TCHH: variants seen among roughly 807,000 people sequenced by gnomAD.
TCHH encodes trichohyalin.
In TCHH, 6 loss-of-function variants were observed where a neutral mutation model predicts 6.3. The ratio of observed to expected loss-of-function variants is 0.95; its 90% CI spans 0.52 to 1.88. TCHH has a LOEUF of 1.88. Among genes scored for constraint, TCHH ranks in the 40% most tolerant of loss-of-function variants. The pLI, the probability that TCHH is intolerant of heterozygous loss-of-function variation, is 0.01. For synonymous variants in TCHH, 1,087 were observed against 963.6 expected, an observed-to-expected ratio of 1.13 and a Z score of -2.37; for missense variants, 2,920 against 2,449.1, an observed-to-expected ratio of 1.19 and a Z score of -4.06.
In TCHH at chr1:152,111,557, C is replaced by A; in HGVS notation, c.1660G>T (p.Glu554Ter). The A allele has an allele frequency of 6.3e-7, 1 of 1,597,322 alleles. No homozygotes were observed. The highest frequency in any genetic ancestry group is 8.6e-7 in the Non-Finnish European group (1 of 1,168,826). Residue 554 changes from glutamate (E) to a stop codon, truncating the protein, a stop_gained, in exon 3 of 3, where the codon GAG becomes TAG. Coordinates refer to ENST00000614923, the MANE Select transcript of TCHH (RefSeq NM_007113.4). LOFTEE classifies it low-confidence loss of function (END_TRUNC). The part of the protein sequence containing the change: ...ERREQLLKRE[E>*]EKRLEQERRE... Reference sequence around the variant, plus strand: ...CTCTCCTGCTCGAGCCTCTTCTCCTCCTCGCGCTTCAGCAGCTGCTCGCGC... The same window carrying A: ...CTCTCCTGCTCGAGCCTCTTCTCCTACTCGCGCTTCAGCAGCTGCTCGCGC...
rs747396799 is a variant in TCHH at position 152,113,125 on chromosome 1, G to A, written c.139-47C>T. ...AAATTTTACAATGCACTATTTACAG[G>A]TGGTAAAATTATATTCACACATGAT... On this transcript the variant is annotated intron_variant, in intron 2 of 2. Coordinates refer to ENST00000614923, the MANE Select transcript of TCHH (RefSeq NM_007113.4). The A allele has an allele frequency of 1.7e-5, 25 of 1,492,274 alleles. No individual in the cohort carries two copies. In the East Asian group the frequency reaches 3.4e-4, roughly 20 times the overall value. The allele number at this position is 1,492,274 out of a possible 1,614,324, so 92.4% of individuals were successfully genotyped here.
Position 152,107,762 on chromosome 1 carries a change from C to T in TCHH, c.5455G>A (p.Gly1819Arg), listed in dbSNP as rs760018205. ...EQQLRPQQRD[G>R]KYRWEEEQLQ... ...TGCTCTTCTTCCCAGCGATACTTTC[C>T]GTCACGCTGTTGGGGGCGCAGCTGC... Residue 1819 changes from glycine to arginine, a missense_variant, in exon 3 of 3, where the codon GGA becomes AGA. By Grantham distance (125) the Gly-to-Arg change is moderately radical. Transcript: ENST00000614923. 28 of 1,614,088 alleles carry T rather than the reference C, an allele frequency of 1.7e-5. No homozygotes were observed. In the African/African-American group the frequency reaches 2.5e-4, roughly 15 times the overall value.
intron 1 of TCHH, 149 bp downstream of exon 1, chr1:152,115,242 A>C (rs1658480724): frequency 6.6e-6 from 1 of 152,208 alleles, no homozygotes. Flanking sequence ...CCATAAGAAG[A>C]TGGGATAGAG....
rs771945514 is a variant in TCHH, at chr1:152,111,765, C to T, written c.1452G>A (p.Arg484=). The part of the protein sequence containing the change: ...QQLKRDQEEE[R]RERWLKLEEE... ...CCTCGAGCTTCAGCCAACGTTCGCG[C>T]CTCTCCTCCTCCTGGTCGCGCTTCA... The change falls in exon 3 of 3, where the codon AGG becomes AGA. Residue 484 remains arginine, a synonymous_variant. Transcript: ENST00000614923. 1 of 1,590,330 alleles carries T rather than the reference C, an allele frequency of 6.3e-7. No homozygotes were observed. Among genetic ancestry groups the T allele is most frequent in the South Asian group, 1.1e-5 (1 of 89,290 alleles).
chr1:152,109,558 C>G lies in TCHH; in HGVS notation c.3659G>C (p.Arg1220Pro). The G allele has an allele frequency of 6.2e-7, 1 of 1,614,232 alleles. No individual in the cohort carries two copies. Among genetic ancestry groups the G allele is most frequent in the Non-Finnish European group, 8.5e-7 (1 of 1,180,044 alleles). The change falls in exon 3 of 3, where the codon CGC becomes CCC. Residue 1220 changes from arginine to proline, a missense_variant. Arg to Pro is a moderately radical substitution (Grantham distance 103, BLOSUM62 -2). Coordinates refer to ENST00000614923, the MANE Select transcript of TCHH (RefSeq NM_007113.4). ...TTCCCACTGCCATTTCAGATCACTG[C>G]GCTGATCCTCATCCCGGTATCGCTG... Reference protein sequence around the residue: ...RKQRYRDEDQRSDLKWQWEPE... With the variant: ...RKQRYRDEDQPSDLKWQWEPE...
At position 152,112,512 on chromosome 1, in the gene TCHH, G is replaced by C. The variant is rs765655483; in HGVS notation, c.705C>G (p.Asp235Glu). ...EKQQQRRERQ[D>E]RVFQEEEEKE... is the part of the protein sequence containing the mutation. ...TCTCTTCTTCCTCCTGGAACACTCTGTCTTGCCGCTCTCGCCTTTGCTGCT... is the reference window on the plus strand; with the variant it reads ...TCTCTTCTTCCTCCTGGAACACTCTCTCTTGCCGCTCTCGCCTTTGCTGCT... The change falls in exon 3 of 3, where the codon GAC (aspartate) becomes GAG (glutamate). Residue 235 changes from aspartate to glutamate, a missense_variant. By Grantham distance (45) the Asp-to-Glu change is conservative (BLOSUM62 2). Transcript: ENST00000614923. 2.4e-5 allele frequency: 38 copies of C among 1,613,272 alleles called. No homozygotes were observed. The South Asian group carries it at 4.0e-4, about 17-fold the overall frequency.
At position 152,112,241 on chromosome 1, in the gene TCHH, C is replaced by G. The variant is rs557415496; in HGVS notation, c.976G>C (p.Glu326Gln). ...EQQEERREQQERREQQEERRE... is the reference protein window; with the variant it reads ...EQQEERREQQQRREQQEERRE... ...CTCTCCTCCTGCTGCTCGCGCCTCTCCTGCTGCTCGCGCCTCTCCTCCTGC... is the reference window on the plus strand; with the variant it reads ...CTCTCCTCCTGCTGCTCGCGCCTCTGCTGCTGCTCGCGCCTCTCCTCCTGC... Residue 326 changes from glutamate (E) to glutamine (Q), a missense_variant, in exon 3 of 3, where the codon GAG becomes CAG. Transcript: ENST00000614923. 8.0e-6 allele frequency: 11 copies of G among 1,376,298 alleles called. No individual in the cohort carries two copies. The highest frequency in any genetic ancestry group is 7.6e-5 in the East Asian group (2 of 26,184). 85.3% of individuals were successfully genotyped at this position (1,376,298 alleles called of 1,614,324 possible).
At position 152,108,591 on chromosome 1, in the gene TCHH, G is replaced by A; in HGVS notation, c.4626C>T (p.Arg1542=). ...GACGCCGCTGTTGCCCGCGCTCCTG[G>A]CGGCGCAGCTGCTGTTCCTCCTGGA... ...KFLQEEQQLR[R]QERGQQRRQD... is the part of the protein sequence containing the mutation. Residue 1542 remains arginine (R), a synonymous_variant, in exon 3 of 3, where the codon CGC becomes CGT. Transcript: ENST00000614923. The A allele has an allele frequency of 6.2e-7, 1 of 1,601,152 alleles. No homozygotes were observed. Among genetic ancestry groups the A allele is most frequent in the Non-Finnish European group, 8.5e-7 (1 of 1,174,752 alleles).
Position 152,108,085 on chromosome 1 carries a change from T to C in TCHH, c.5132A>G (p.Gln1711Arg), listed in dbSNP as rs1201725448. The change falls in exon 3 of 3, where the codon CAG becomes CGG. Residue 1711 changes from glutamine (Q) to arginine (R), a missense_variant. Physicochemically the swap from Gln to Arg is conservative, Grantham distance 43 (BLOSUM62 1). Coordinates refer to ENST00000614923, the MANE Select transcript of TCHH (RefSeq NM_007113.4). ...CTGGCGGCGCAGCTGCTGTTCCTCC[T>C]GGAGGAATTTTCTCTCTCGTTCCTG... ...RRQERERKFL[Q>R]EEQQLRRQEL... 3 of 1,612,904 alleles carry C rather than the reference T, an allele frequency of 1.9e-6. No individual in the cohort carries two copies. Among genetic ancestry groups the C allele is most frequent in the Non-Finnish European group, 2.5e-6 (3 of 1,179,584 alleles).
rs778659935 is a variant in TCHH, at chr1:152,111,087, G to C, written c.2130C>G (p.Ser710Arg). Residue 710 changes from serine to arginine, a missense_variant, in exon 3 of 3, where the codon AGC becomes AGG. By Grantham distance (110) the Ser-to-Arg change is moderately radical (BLOSUM62 -1). Coordinates refer to ENST00000614923, the MANE Select transcript of TCHH (RefSeq NM_007113.4). ...CTTTGCTTTGCCGTGCGTCGGCCTC[G>C]CTTTCTAGCTGCCACTGCCACTTCG... ...RIPKWQWQLE[S>R]EADARQSKVY... 1.1e-5 allele frequency: 18 copies of C among 1,613,498 alleles called. No individual in the cohort carries two copies. The highest frequency in any genetic ancestry group is 1.5e-5 in the Non-Finnish European group (18 of 1,180,014).
At position 152,109,800 on chromosome 1, in the gene TCHH, T is replaced by G. The variant is rs1658259988; in HGVS notation, c.3417A>C (p.Gln1139His). The change falls in exon 3 of 3, where the codon CAA (glutamine) becomes CAC (histidine). Residue 1139 changes from glutamine (Q) to histidine (H), a missense_variant. Gln to His is a conservative substitution (Grantham distance 24). Coordinates refer to ENST00000614923, the MANE Select transcript of TCHH (RefSeq NM_007113.4). ...GCTGCACCTCCTCTTCCTCCCGATA[T>G]TGCCTCTCCAGCTCCTGGCGCCTTC... ...EKRRRQELER[Q>H]YREEEEVQQE... is the part of the protein sequence containing the mutation. The G allele has an allele frequency of 6.3e-7, 1 of 1,588,134 alleles. No homozygotes were observed. Among genetic ancestry groups the G allele is most frequent in the Admixed American group, 1.7e-5 (1 of 58,500 alleles).
rs779535015 is a variant in TCHH, at chr1:152,107,336, T to C, written c.*49A>G. 3.7e-5 allele frequency: 55 copies of C among 1,494,472 alleles called. No individual in the cohort carries two copies. The highest frequency in any genetic ancestry group is 4.8e-5 in the Non-Finnish European group (54 of 1,117,620). 92.6% of individuals were successfully genotyped at this position (1,494,472 alleles called of 1,614,324 possible). On this transcript the variant is annotated 3_prime_UTR_variant, in exon 3 of 3. Transcript: ENST00000614923. ...TCACTTGGTACCCAGTGTTTCTCAT[T>C]TTCCCGTGCTCGAAGCTTTGGCAGG...
Position 152,107,309 on chromosome 1 carries a change from T to G in TCHH, c.*76A>C, listed in dbSNP as rs1658130641. On this transcript the variant is annotated 3_prime_UTR_variant, in exon 3 of 3. Coordinates refer to ENST00000614923, the MANE Select transcript of TCHH (RefSeq NM_007113.4). ...TTCCCACAACCAGAAACATCTGAGT[T>G]ATCACTTGGTACCCAGTGTTTCTCA... 3 of 1,374,524 alleles carry G rather than the reference T, an allele frequency of 2.2e-6. No individual in the cohort carries two copies. The highest frequency in any genetic ancestry group is 1.4e-5 in the African/African-American group (1 of 69,038). 85.1% of individuals were successfully genotyped at this position (1,374,524 alleles called of 1,614,324 possible). A position where few individuals can be genotyped will look rare whatever the true frequency, so the allele number is the denominator to read the frequency against.
chr1:152,107,468 T>G lies in TCHH; in HGVS notation c.5749A>C (p.Thr1917Pro). 1 of 1,614,094 alleles carries G rather than the reference T, an allele frequency of 6.2e-7. No individual in the cohort carries two copies. Among genetic ancestry groups the G allele is most frequent in the Non-Finnish European group, 8.5e-7 (1 of 1,179,992 alleles). ...ACTGGGACACTGGCAAACTGATGAG[T>G]GCCGGGCTCCAGAAGCCGCCCATGG... ...KGHGRLLEPG[T>P]HQFASVPVRS... is the part of the protein sequence containing the mutation. The change falls in exon 3 of 3, where the codon ACT (threonine) becomes CCT (proline). Residue 1917 changes from threonine (T) to proline (P), a missense_variant. By Grantham distance (38) the Thr-to-Pro change is conservative (BLOSUM62 -1). Transcript: ENST00000614923.
rs1328477364 is a variant in TCHH, at chr1:152,109,749, C to T, written c.3468G>A (p.Glu1156=). Residue 1156 remains glutamate, a synonymous_variant, in exon 3 of 3, where the codon GAG becomes GAA. Coordinates refer to ENST00000614923, the MANE Select transcript of TCHH (RefSeq NM_007113.4). ...VQQEEEQLLR[E]EPEKRRRQEL... is the part of the protein sequence containing the mutation. ...CCTGGCGCCTTCTCTTCTCCGGTTC[C>T]TCTCTCAGCAGCTGCTCTTCCTCCT... 1 of 1,582,202 alleles carries T rather than the reference C, an allele frequency of 6.3e-7. No homozygotes were observed. The highest frequency in any genetic ancestry group is 8.6e-7 in the Non-Finnish European group (1 of 1,160,832).
Position 152,110,275 on chromosome 1 carries a change from C to T in TCHH, c.2942G>A (p.Arg981Lys), listed in dbSNP as rs368232517. The change falls in exon 3 of 3, where the codon AGA (arginine) becomes AAA (lysine). Residue 981 changes from arginine to lysine, a missense_variant. Transcript: ENST00000614923. ...TTTTTTCTCCCGCTCCTGGCGCCTT[C>T]TCTTCTCCGGTTCCTCTCCCAGCAG... is the stretch of plus-strand genomic sequence containing the variant. ...EQLLGEEPEK[R>K]RRQEREKKYR... The T allele has an allele frequency of 1.9e-6, 3 of 1,611,540 alleles. No individual in the cohort carries two copies. The highest frequency in any genetic ancestry group is 2.5e-6 in the Non-Finnish European group (3 of 1,179,014).
chr1:152,111,799 T>C lies in TCHH; in HGVS notation c.1418A>G (p.Lys473Arg), dbSNP rs201826176. 5.0e-6 allele frequency: 8 copies of C among 1,593,080 alleles called. No homozygotes were observed. The Admixed American group carries it at 1.4e-4, about 28-fold the overall frequency. Reference protein sequence around the residue: ...ETERHEQERRKQQLKRDQEEE... With the variant: ...ETERHEQERRRQQLKRDQEEE... The stretch of plus-strand genomic sequence containing the variant: ...CTCCTGGTCGCGCTTCAGCTGCTGC[T>C]TGCGCCTCTCCTGCTCGTGCCTCTC... Residue 473 changes from lysine to arginine, a missense_variant, in exon 3 of 3, where the codon AAG becomes AGG. Physicochemically the swap from Lys to Arg is conservative, Grantham distance 26. Coordinates refer to ENST00000614923, the MANE Select transcript of TCHH (RefSeq NM_007113.4).
rs766660547 is a variant in TCHH at position 152,111,797 on chromosome 1, G to C, written c.1420C>G (p.Gln474Glu). Reference protein sequence around the residue: ...TERHEQERRKQQLKRDQEEER... With the variant: ...TERHEQERRKEQLKRDQEEER... ...TCCTCCTGGTCGCGCTTCAGCTGCT[G>C]CTTGCGCCTCTCCTGCTCGTGCCTC... is the stretch of plus-strand genomic sequence containing the variant. The change falls in exon 3 of 3, where the codon CAG (glutamine) becomes GAG (glutamate). Residue 474 changes from glutamine (Q) to glutamate (E), a missense_variant. Physicochemically the swap from Gln to Glu is conservative, Grantham distance 29 (BLOSUM62 2). Transcript: ENST00000614923. 1.3e-6 allele frequency: 2 copies of C among 1,597,016 alleles called. No homozygotes were observed. The highest frequency in any genetic ancestry group is 3.4e-5 in the Admixed American group (2 of 58,220).
In TCHH at chr1:152,107,714, G is replaced by T; in HGVS notation, c.5503C>A (p.Gln1835Lys). ...EEQLQLEEQE[Q>K]RLRQERDRQY... ...CGGTCTCGCTCCTGCCGCAGCCTCT[G>T]CTCTTGTTCCTCAAGTTGGAGCTGC... Residue 1835 changes from glutamine to lysine, a missense_variant, in exon 3 of 3, where the codon CAG (glutamine) becomes AAG (lysine). Gln to Lys is a moderately conservative substitution (Grantham distance 53, BLOSUM62 1). Coordinates refer to ENST00000614923, the MANE Select transcript of TCHH (RefSeq NM_007113.4). 1 of 1,613,780 alleles carries T rather than the reference G, an allele frequency of 6.2e-7. No individual in the cohort carries two copies. The highest frequency in any genetic ancestry group is 8.5e-7 in the Non-Finnish European group (1 of 1,180,048).
Sources: allele counts gnomAD v4.1 joint callset, GRCh38; gene constraint gnomAD v4.1.1; transcripts MANE v1.5; gene names NCBI Gene and HGNC (gene_info 2026-07-23, HGNC 2026-07-21).